CTNNA2: variants seen among roughly 807,000 people sequenced by gnomAD.
The protein encoded by CTNNA2 is catenin alpha-2.
A neutral mutation model predicts 101.0 loss-of-function variants in CTNNA2; 42 were observed. That is an observed-to-expected ratio of 0.42 (90% CI 0.32 to 0.54). The LOEUF (loss-of-function observed/expected upper bound fraction) is 0.54, where lower values mean the gene tolerates loss of function less well. Among genes scored for constraint, CTNNA2 ranks in the 20% least tolerant of loss-of-function variants. CTNNA2 has a pLI of 0.14. For synonymous variants in CTNNA2, 450 were observed against 456.4 expected (o/e 0.99, Z 0.18); for missense variants, 871 against 1,223.1 (o/e 0.71, Z 4.29).
intron 18 of CTNNA2, among the ~76,000 whole-genome samples, chr2:80,637,654 A>C (rs190215961): frequency 1.3e-4 from 20 of 152,208 alleles, no homozygotes; most frequent in Admixed American, 5.9e-4. Context: ...CATACACCTG[A>C]TGAGGAGAGG....
At chr2:80,097,478 T>C (rs866641705) in intron 7 of CTNNA2, among the ~76,000 whole-genome samples, 1 of 152,180 alleles carries the variant, frequency 6.6e-6, no homozygotes, top group East Asian at 1.9e-4. Flanking sequence ...CTGACAATTA[T>C]GTGTCTTGGA....
chr2:79,297,393 C>T (rs1676005760), intron 2 of CTNNA2, among the ~76,000 whole-genome samples: 1 of 152,130 alleles, frequency 6.6e-6, no homozygotes, highest in Non-Finnish European at 1.5e-5. Context: ...TTTTTCTTCC[C>T]AGTCACTCTC....
chr2:80,338,302 C>CTT (rs551404160), intron 7 of CTNNA2, among the ~76,000 whole-genome samples: 95 of 134,162 alleles, frequency 7.1e-4, no homozygotes, highest in East Asian at 3.7e-3. Context: ...TTTTCTTTTT[C>CTT]TTTTTTTTTT....
chr2:79,213,604 T>C lies in CTNNA2; in HGVS notation c.-406+15528T>C, dbSNP rs111509652. Among the ~76,000 whole-genome samples, 984 of 152,128 alleles carry C rather than the reference T, an allele frequency of 6.5e-3. 9 individuals carry two copies. The highest frequency in any genetic ancestry group is 0.022 in the African/African-American group (925 of 41,508). The stretch of plus-strand genomic sequence containing the variant: ...GTGGAACCGCCATCAATAAACTAAA[T>C]GTGATCAGAGTGAGGAACAGGAAAT... On this transcript the variant is annotated intron_variant, in intron 2 of 21. Transcript: ENST00000466387.
intron 4 of CTNNA2, among the ~76,000 whole-genome samples, chr2:79,448,707 A>C (rs898356122): frequency 3.9e-5 from 6 of 152,072 alleles, no homozygotes; most frequent in African/African-American, 9.7e-5. Flanking sequence ...GAAGATGGGC[A>C]GTAGGTAATT....
chr2:80,120,088 CTCTT>C (rs760145885), intron 7 of CTNNA2, among the ~76,000 whole-genome samples: 21 of 152,288 alleles, frequency 1.4e-4, no homozygotes, highest in Non-Finnish European at 2.8e-4. Context: ...AAATTTTCCT[CTCTT>C]TCTTGAACTA....
intron 9 of CTNNA2, among the ~76,000 whole-genome samples, chr2:80,526,631 C>A (rs1379946021): frequency 6.6e-6 from 1 of 152,152 alleles, no homozygotes; most frequent in African/African-American, 2.4e-5. Context: ...CTGTGCCGGG[C>A]CTCTCTGTGC....
intron 2 of CTNNA2, among the ~76,000 whole-genome samples, chr2:79,214,549 T>C (rs1232680191): frequency 1.3e-5 from 2 of 152,062 alleles, no homozygotes. Flanking sequence ...AAGCGTGCTA[T>C]GGGATGGGAT....
rs1311735807 is a variant in CTNNA2 at position 80,052,397 on chromosome 2, T to C, written c.1056+142600T>C. ...GTGTATGATACAGGTATTATGCATC[T>C]TAGATGTCATATAGCTACTAATTCA... On this transcript the variant is annotated intron_variant, in intron 7 of 18. Coordinates refer to ENST00000402739, the MANE Select transcript of CTNNA2 (RefSeq NM_001282597.3). 2.0e-5 allele frequency among the ~76,000 whole-genome samples: 3 copies of C among 152,228 alleles called. 1 individual carries two copies. In the South Asian group the frequency reaches 6.2e-4, roughly 31 times the overall value.
chr2:79,538,065 G>C (rs1558709894), intron 1 of CTNNA2, among the ~76,000 whole-genome samples: 1 of 151,978 alleles, frequency 6.6e-6, no homozygotes, highest in East Asian at 1.9e-4. Context: ...CAATGTAGAG[G>C]AGTAAGACCA....
chr2:79,745,688 C>G (rs1229923152), intron 3 of CTNNA2, among the ~76,000 whole-genome samples: 1 of 152,006 alleles, frequency 6.6e-6, no homozygotes, highest in Non-Finnish European at 1.5e-5. Context: ...ACATATTAGT[C>G]TTTTTTTGAC....
chr2:79,696,063 C>G (rs1436842736), intron 2 of CTNNA2, among the ~76,000 whole-genome samples: 1 of 151,960 alleles, frequency 6.6e-6, no homozygotes, highest in Non-Finnish European at 1.5e-5. Flanking sequence ...AGCCAAAAGA[C>G]TTACAGCCAA....
At chr2:79,978,559 T>TAA (rs1239195592) in intron 7 of CTNNA2, among the ~76,000 whole-genome samples, 1 of 152,188 alleles carries the variant, frequency 6.6e-6, no homozygotes, top group Non-Finnish European at 1.5e-5. Flanking sequence ...CTTCATCTTT[T>TAA]AGTCCAGAAT....
intron 6 of CTNNA2, among the ~76,000 whole-genome samples, chr2:79,890,404 G>A (rs1026726733): frequency 6.6e-6 from 1 of 152,146 alleles, no homozygotes; most frequent in African/African-American, 2.4e-5. Flanking sequence ...CAACCAGATT[G>A]TCTCTTCCCC....
intron 9 of CTNNA2, among the ~76,000 whole-genome samples, chr2:80,472,484 A>C (rs1431013981): frequency 6.6e-6 from 1 of 152,182 alleles, no homozygotes; most frequent in African/African-American, 2.4e-5. Flanking sequence ...GGCTGGAGCC[A>C]TGGAAGCAAA....
chr2:80,364,029 A>G (rs1426649046), intron 7 of CTNNA2, among the ~76,000 whole-genome samples: 1 of 152,102 alleles, frequency 6.6e-6, no homozygotes, highest in Non-Finnish European at 1.5e-5. Flanking sequence ...GCAGTGTGTC[A>G]TCCTTAAATA....
chr2:80,469,101 G>A (rs1472817618), intron 9 of CTNNA2, among the ~76,000 whole-genome samples: 1 of 152,080 alleles, frequency 6.6e-6, no homozygotes, highest in East Asian at 1.9e-4. Context: ...GCTTATAGGG[G>A]TCTTACTGTG....
In CTNNA2 at chr2:79,454,782, A is replaced by G. The variant is rs566829897; in HGVS notation, c.-134-50272A>G. Among the ~76,000 whole-genome samples the G allele has an allele frequency of 4.6e-5, 7 of 152,328 alleles. No individual in the cohort carries two copies. The South Asian group carries it at 1.5e-3, about 32-fold the overall frequency. Reference sequence around the variant, plus strand: ...GCCATTTTATTAAATAAGTAGAAACAAAATTGTCTTGAAGGCAGACTTAAA... The same window carrying G: ...GCCATTTTATTAAATAAGTAGAAACGAAATTGTCTTGAAGGCAGACTTAAA... On this transcript the variant is annotated intron_variant, in intron 4 of 21. Transcript: ENST00000466387.
rs1400698574 is a variant in CTNNA2, at chr2:80,601,625, T to G, written c.2190-2449T>G. 2 of 151,806 alleles carry G rather than the reference T, an allele frequency of 1.3e-5. 1 individual carries two copies. Among genetic ancestry groups the G allele is most frequent in the South Asian group, 4.2e-4 (2 of 4,810 alleles). 9.4% of individuals were successfully genotyped at this position (151,806 alleles called of 1,614,324 possible). A position where few individuals can be genotyped will look rare whatever the true frequency, so the allele number is the denominator to read the frequency against. On this transcript the variant is annotated intron_variant, in intron 15 of 18. Coordinates refer to ENST00000402739, the MANE Select transcript of CTNNA2 (RefSeq NM_001282597.3). ...ACATTTTTTTGTTTTCTAAGGTTAT[T>G]GCTGTCTTATCTTTTTTACTTTTGG...
Sources: allele counts gnomAD v4.1 joint callset (sites outside exome capture counted in the v4.1 genomes callset), GRCh38; gene constraint gnomAD v4.1.1; transcripts MANE v1.5; gene names NCBI Gene and HGNC (gene_info 2026-07-23, HGNC 2026-07-21).